ITPK1: variants seen among roughly 807,000 people sequenced by gnomAD.
ITPK1 encodes the protein inositol-tetrakisphosphate 1-kinase.
ITPK1 carries 21 observed loss-of-function variants against 45.3 expected under a neutral mutation model. The observed-to-expected ratio is 0.46, with a 90% CI of 0.33 to 0.67. ITPK1 has a LOEUF of 0.67. ITPK1 is among the 30% of genes least tolerant of loss of function. ITPK1 has a pLI of 0.02. For synonymous variants in ITPK1, 258 were observed against 253.6 expected, an observed-to-expected ratio of 1.02 and a Z score of -0.16; for missense variants, 474 against 573.5, an observed-to-expected ratio of 0.83 and a Z score of 1.77.
At position 92,939,737 on chromosome 14, in the gene ITPK1, C is replaced by G. The variant is rs1887263553; in HGVS notation, c.*1824G>C. ...AGGAGTCACGCTGCACACCCCCACC[C>G]GTACCTGAGGCAGACTGGGATTGAA... is the stretch of plus-strand genomic sequence containing the variant. On this transcript the variant is annotated 3_prime_UTR_variant, in exon 11 of 11. Transcript: ENST00000267615. 1 of 985,530 alleles carries G rather than the reference C, an allele frequency of 1.0e-6. No individual in the cohort carries two copies. Among genetic ancestry groups the G allele is most frequent in the Admixed American group, 6.1e-5 (1 of 16,274 alleles). The allele number at this position is 985,530 out of a possible 1,614,324, so 61.0% of individuals were successfully genotyped here. A position where few individuals can be genotyped will look rare whatever the true frequency, so the allele number is the denominator to read the frequency against.
At chr14:92,959,804 T>C (rs920956698) in intron 7 of ITPK1, among the ~76,000 whole-genome samples, 1 of 151,772 alleles carries the variant, frequency 6.6e-6, no homozygotes. Flanking sequence ...TCTGAGAACA[T>C]AAAATGAAGA....
chr14:93,012,477 C>A lies in ITPK1; in HGVS notation c.246+4199G>T, dbSNP rs12587675. Among the ~76,000 whole-genome samples the A allele has an allele frequency of 6.6e-6, 1 of 152,082 alleles. No homozygotes were observed. Among genetic ancestry groups the A allele is most frequent in the Non-Finnish European group, 1.5e-5 (1 of 68,022 alleles). ...GAGCGGGTGGGGCAGATCACCGAGG[C>A]CCCATGGGTCAAGCTGGCAATCATG... is the stretch of plus-strand genomic sequence containing the variant. On this transcript the variant is annotated intron_variant, in intron 4 of 10. Transcript: ENST00000267615. This position sits in a 1 kb window ranked among gnomAD's most constrained non-coding sequence, Gnocchi z 4.9.
chr14:93,103,306 C>A (rs918351975), intron 2 of ITPK1, among the ~76,000 whole-genome samples: 2 of 151,856 alleles, frequency 1.3e-5, no homozygotes, highest in Non-Finnish European at 2.9e-5. Flanking sequence ...GTAATCCCAG[C>A]TACTCAGGAG....
At position 92,939,824 on chromosome 14, in the gene ITPK1, A is replaced by AT. The variant is rs1887269792; in HGVS notation, c.*1736dup. 4.1e-6 allele frequency: 4 copies of AT among 985,722 alleles called. No individual in the cohort carries two copies. The highest frequency in any genetic ancestry group is 4.8e-6 in the Non-Finnish European group (4 of 829,952). The allele number at this position is 985,722 out of a possible 1,614,324, so 61.1% of individuals were successfully genotyped here. On this transcript the variant is annotated 3_prime_UTR_variant, in exon 11 of 11. Coordinates refer to ENST00000267615, the MANE Select transcript of ITPK1 (RefSeq NM_014216.6). Reference sequence around the variant, plus strand: ...GTCTTTTAAGGACTGGGAGTATGACATAACAAACTTGAGCAACATGTGTAA... The same window carrying AT: ...GTCTTTTAAGGACTGGGAGTATGACATTAACAAACTTGAGCAACATGTGTAA...
At chr14:93,020,620 C>A (rs1888417572) in intron 3 of ITPK1, among the ~76,000 whole-genome samples, 1 of 152,180 alleles carries the variant, frequency 6.6e-6, no homozygotes, top group Non-Finnish European at 1.5e-5. Flanking sequence ...GCACCGTAAC[C>A]CCAGTTATGA....
At chr14:93,026,619 G>A (rs1039244824) in intron 3 of ITPK1, among the ~76,000 whole-genome samples, 1 of 152,200 alleles carries the variant, frequency 6.6e-6, no homozygotes, top group African/African-American at 2.4e-5. Flanking sequence ...ACTTCCAGGA[G>A]CTGATCTCAC....
At chr14:92,951,848 C>T in intron 9 of ITPK1, 98 bp downstream of exon 9, 1 of 943,244 alleles carries the variant, frequency 1.1e-6, no homozygotes, top group Non-Finnish European at 1.7e-6. Flanking sequence ...CCCTACCCTG[C>T]TGGAGAGCTT....
chr14:92,996,729 C>T (rs777420808), intron 4 of ITPK1, among the ~76,000 whole-genome samples: 26 of 152,268 alleles, frequency 1.7e-4, no homozygotes, highest in Non-Finnish European at 3.1e-4. Context: ...TTCATGTCCT[C>T]GGTTATGAGC....
chr14:92,986,715 C>T (rs752280529), intron 5 of ITPK1, among the ~76,000 whole-genome samples: 3 of 152,068 alleles, frequency 2.0e-5, no homozygotes, highest in Non-Finnish European at 2.9e-5. Flanking sequence ...TGCTGGGGAG[C>T]GGGTCCCTGC....
chr14:93,076,534 G>C lies in ITPK1; in HGVS notation c.120+61C>G. Reference sequence around the variant, plus strand: ...ATGCTGGAGGAGAGAAGGAGAGACAGAGAGGTGGGCACCAAGGGCCCCACT... The same window carrying C: ...ATGCTGGAGGAGAGAAGGAGAGACACAGAGGTGGGCACCAAGGGCCCCACT... On this transcript the variant is annotated intron_variant, in intron 3 of 10. Transcript: ENST00000267615. The surrounding 1 kb of genome is among the most constrained non-coding windows in gnomAD (Gnocchi z 4.3). 6.3e-7 allele frequency: 1 copy of C among 1,578,994 alleles called. No homozygotes were observed. Among genetic ancestry groups the C allele is most frequent in the Non-Finnish European group, 8.7e-7 (1 of 1,148,460 alleles).
chr14:93,100,150 G>C (rs1325682056), intron 2 of ITPK1, among the ~76,000 whole-genome samples: 1 of 152,196 alleles, frequency 6.6e-6, no homozygotes, highest in Admixed American at 6.5e-5. Context: ...CCCAGCCCCA[G>C]AGACTGGTTC....
chr14:93,099,238 TC>T (rs1892213049), intron 2 of ITPK1, among the ~76,000 whole-genome samples: 1 of 150,958 alleles, frequency 6.6e-6, no homozygotes, highest in Admixed American at 6.6e-5. Flanking sequence ...AGACCAACAC[TC>T]CCCTCCAGCT....
chr14:92,954,791 C>A (rs1888117377), intron 8 of ITPK1, among the ~76,000 whole-genome samples: 1 of 152,176 alleles, frequency 6.6e-6, no homozygotes, highest in African/African-American at 2.4e-5. Context: ...TGTCCTAATG[C>A]TACAGATGGT....
chr14:92,945,571 A>T (rs1887643610), intron 10 of ITPK1, among the ~76,000 whole-genome samples: 1 of 152,230 alleles, frequency 6.6e-6, no homozygotes, highest in Non-Finnish European at 1.5e-5. Flanking sequence ...GCACCAAGGC[A>T]TCAAGCGCGG....
At chr14:93,038,593 T>C (rs969637710) in intron 3 of ITPK1, among the ~76,000 whole-genome samples, 15 of 152,178 alleles carry the variant, frequency 9.9e-5, no homozygotes, top group African/African-American at 3.6e-4. Context: ...AATGGTGCAA[T>C]CTCGGCTCAC....
chr14:92,990,066 T>G (rs1886703411), intron 5 of ITPK1, among the ~76,000 whole-genome samples: 1 of 152,190 alleles, frequency 6.6e-6, no homozygotes, highest in African/African-American at 2.4e-5. Context: ...CTAAAACTCG[T>G]TCTAGCCCTT....
chr14:93,063,880 C>A lies in ITPK1; in HGVS notation c.120+12715G>T, dbSNP rs1890634023. Reference sequence around the variant, plus strand: ...CTGCTGCCTGGGCTGCTCATAGAAGCCCAGCCCAGACGCCAAACGCACTTT... The same window carrying A: ...CTGCTGCCTGGGCTGCTCATAGAAGACCAGCCCAGACGCCAAACGCACTTT... On this transcript the variant is annotated intron_variant, in intron 3 of 10. Transcript: ENST00000267615. This position sits in a 1 kb window ranked among gnomAD's most constrained non-coding sequence, Gnocchi z 4.3. Among the ~76,000 whole-genome samples, 1 of 152,168 alleles carries A rather than the reference C, an allele frequency of 6.6e-6. No homozygotes were observed. The highest frequency in any genetic ancestry group is 6.5e-5 in the Admixed American group (1 of 15,274).
chr14:93,052,645 C>G (rs1266793246), intron 3 of ITPK1, among the ~76,000 whole-genome samples: 2 of 152,152 alleles, frequency 1.3e-5, no homozygotes, highest in East Asian at 3.8e-4. Flanking sequence ...GAAGTTCGCC[C>G]CCAAGCCTCA....
chr14:93,017,094 G>A (rs1045953005), intron 3 of ITPK1, among the ~76,000 whole-genome samples: 2 of 152,162 alleles, frequency 1.3e-5, no homozygotes, highest in African/African-American at 4.8e-5. Context: ...ACACATAAGA[G>A]GAATCAGGGC....
Sources: allele counts gnomAD v4.1 joint callset (sites outside exome capture counted in the v4.1 genomes callset), GRCh38; gene constraint gnomAD v4.1.1; non-coding constraint Gnocchi (gnomAD v3.1); transcripts MANE v1.5; gene names NCBI Gene and HGNC (gene_info 2026-07-23, HGNC 2026-07-21).